Variants in AGMO observed in about 807,000 individuals in gnomAD.
The protein encoded by AGMO is alkylglycerol monooxygenase.
Under a neutral mutation model 60.2 loss-of-function variants are expected in AGMO, and 75 were observed. The observed-to-expected ratio is 1.25, with a 90% CI of 1.03 to 1.51. The LOEUF is 1.51. Among genes scored for constraint, AGMO ranks in the 40% most tolerant of loss-of-function variants. The probability of loss-of-function intolerance (pLI) is 0.00; values close to 1 mark genes in which losing one functional copy is unlikely to be tolerated. For missense variants in AGMO, 763 were observed against 525.5 expected (o/e 1.45, Z -4.42); for synonymous variants, 261 against 177.1 (o/e 1.47, Z -3.76).
rs1199323283 is a variant in AGMO, at chr7:15,531,317, C to CATATATTCTATATATATTCTAT, written c.409+13433_409+13454dup. Among the ~76,000 whole-genome samples the CATATATTCTATATATATTCTAT allele has an allele frequency of 2.3e-4, 12 of 52,614 alleles. 2 individuals are homozygous for CATATATTCTATATATATTCTAT. The highest frequency in any genetic ancestry group is 3.4e-4 in the Non-Finnish European group (11 of 32,794). The allele number at this position is 52,614 out of a possible 152,430, so 34.5% of individuals were successfully genotyped here. A position where few individuals can be genotyped will look rare whatever the true frequency, so the allele number is the denominator to read the frequency against. On this transcript the variant is annotated intron_variant, in intron 3 of 12. Coordinates refer to ENST00000342526, the MANE Select transcript of AGMO (RefSeq NM_001004320.2). ...AAATATTCTCTATATATATTCTATA[C>CATATATTCTATATATATTCTAT]ATATATTCTATATATATTCTATATA... is the stretch of plus-strand genomic sequence containing the variant.
the AGMO span, among the ~76,000 whole-genome samples, chr7:15,134,725 C>T: frequency 1.3e-5 from 2 of 151,996 alleles, no homozygotes; most frequent in African/African-American, 4.8e-5. Context: ...ACGTTGACTC[C>T]ACGCCTTTGC....
At chr7:15,299,018 T>C (rs1784481363) in intron 12 of AGMO, among the ~76,000 whole-genome samples, 1 of 152,156 alleles carries the variant, frequency 6.6e-6, no homozygotes, top group Non-Finnish European at 1.5e-5. Flanking sequence ...TCTAAGTATC[T>C]TTCAAGACTC....
At chr7:15,215,073 A>T (rs1781697176) in intron 12 of AGMO, among the ~76,000 whole-genome samples, 1 of 152,130 alleles carries the variant, frequency 6.6e-6, no homozygotes, top group African/African-American at 2.4e-5. Flanking sequence ...ACCTTCTGTT[A>T]TAAGTAGAGT....
intron 3 of AGMO, among the ~76,000 whole-genome samples, chr7:15,461,581 A>G (rs1471109504): frequency 2.0e-5 from 3 of 152,124 alleles, no homozygotes; most frequent in South Asian, 4.2e-4. Flanking sequence ...AGGGGTTCTC[A>G]TTAGCATTTA....
chr7:15,131,068 T>TGTGC, the AGMO span, among the ~76,000 whole-genome samples: 434 of 152,242 alleles, frequency 2.9e-3, no homozygotes, highest in African/African-American at 1.0e-2. Context: ...TGTGTGTGTG[T>TGTGC]GTGCATGAAA....
In AGMO at chr7:15,379,344, C is replaced by T. The variant is rs114764673; in HGVS notation, c.1074+6102G>A. Reference sequence around the variant, plus strand: ...AATCCAGGAGCTGTTTTGGGGAAAACATTAATCAAGTAGAAAAACTGTTAA... The same window carrying T: ...AATCCAGGAGCTGTTTTGGGGAAAATATTAATCAAGTAGAAAAACTGTTAA... On this transcript the variant is annotated intron_variant, in intron 10 of 12. Transcript: ENST00000342526. 9.8e-3 allele frequency among the ~76,000 whole-genome samples: 1,492 copies of T among 151,970 alleles called. 29 individuals are homozygous for T. Among genetic ancestry groups the T allele is most frequent in the African/African-American group, 0.035 (1,457 of 41,506 alleles).
the AGMO span, among the ~76,000 whole-genome samples, chr7:15,175,550 C>G: frequency 2.6e-5 from 4 of 151,840 alleles, no homozygotes; most frequent in Non-Finnish European, 5.9e-5. Flanking sequence ...TTTATTCTCT[C>G]TCTCCTATCT....
At chr7:15,202,442 C>G (rs569389148) in intron 12 of AGMO, among the ~76,000 whole-genome samples, 25 of 80,608 alleles carry the variant, frequency 3.1e-4, no homozygotes, top group African/African-American at 1.1e-3. Context: ...TCACCAACAA[C>G]CAAAATACAA....
chr7:15,553,317 A>G (rs1294218971), intron 2 of AGMO, among the ~76,000 whole-genome samples: 4 of 150,796 alleles, frequency 2.7e-5, no homozygotes, highest in Non-Finnish European at 4.4e-5. Context: ...AACTTAAAGT[A>G]TAATAAAAAA....
At chr7:15,458,628 T>C (rs796632225) in intron 3 of AGMO, among the ~76,000 whole-genome samples, 56 of 152,346 alleles carry the variant, frequency 3.7e-4, no homozygotes, top group African/African-American at 1.3e-3. Context: ...GCACATTATC[T>C]TGGATTTTTA....
intron 5 of AGMO, among the ~76,000 whole-genome samples, chr7:15,414,808 A>G (rs1384373012): frequency 6.6e-6 from 1 of 152,202 alleles, no homozygotes; most frequent in Non-Finnish European, 1.5e-5. Flanking sequence ...AAATACATCA[A>G]TGAAAGTGAG....
intron 10 of AGMO, among the ~76,000 whole-genome samples, chr7:15,370,623 G>A (rs529938860): frequency 3.9e-5 from 6 of 152,046 alleles, no homozygotes; most frequent in Non-Finnish European, 8.8e-5. Flanking sequence ...GTTTTGATTT[G>A]CATTTCTCTA....
intron 12 of AGMO, among the ~76,000 whole-genome samples, chr7:15,293,249 A>G (rs1784323664): frequency 1.3e-5 from 2 of 152,096 alleles, no homozygotes. Flanking sequence ...TTCATTAGTA[A>G]ACGTCACTGA....
At chr7:15,145,609 T>A in the AGMO span, among the ~76,000 whole-genome samples, 1 of 152,156 alleles carries the variant, frequency 6.6e-6, no homozygotes. Context: ...CATTAAACCC[T>A]AGTGTTTTAA....
At chr7:15,365,048 G>C (rs1011544049) in intron 12 of AGMO, among the ~76,000 whole-genome samples, 1 of 151,920 alleles carries the variant, frequency 6.6e-6, no homozygotes, top group East Asian at 1.9e-4. Flanking sequence ...TTTTTCAGCT[G>C]TAGAAAAATC....
intron 12 of AGMO, among the ~76,000 whole-genome samples, chr7:15,204,535 T>G (rs1191295537): frequency 6.6e-6 from 1 of 152,206 alleles, no homozygotes; most frequent in African/African-American, 2.4e-5. Flanking sequence ...GCACACTTAT[T>G]GTATCCTAGT....
chr7:15,301,546 A>G (rs1784559766), intron 12 of AGMO, among the ~76,000 whole-genome samples: 1 of 151,502 alleles, frequency 6.6e-6, no homozygotes, highest in Non-Finnish European at 1.5e-5. Flanking sequence ...AGTTCTCAAT[A>G]CATTTTCTAA....
intron 10 of AGMO, among the ~76,000 whole-genome samples, chr7:15,377,452 T>C (rs183178542): frequency 0.011 from 1,362 of 123,892 alleles, 27 homozygotes; most frequent in African/African-American, 0.035. Flanking sequence ...ATGTACACAG[T>C]GTCTGGCTAC....
Position 15,544,872 on chromosome 7 carries a change from G to T in AGMO, c.309C>A (p.Asn103Lys). The change falls in exon 3 of 13, where the codon AAC (asparagine) becomes AAA (lysine). Residue 103 changes from asparagine to lysine, a missense_variant. By Grantham distance (94) the Asn-to-Lys change is moderately conservative (BLOSUM62 0). Coordinates refer to ENST00000342526, the MANE Select transcript of AGMO (RefSeq NM_001004320.2). ...CCCAAGGCAAATTGAACAGCCTGTA[G>T]TTCTCCCAGATATAAATATAACTGG... ...ELTSYIYIWE[N>K]YRLFNLPWDS... The T allele has an allele frequency of 1.2e-6, 2 of 1,600,562 alleles. No individual in the cohort carries two copies. The highest frequency in any genetic ancestry group is 8.5e-7 in the Non-Finnish European group (1 of 1,172,632).
Sources: gnomAD v4.1 joint callset for allele counts (sites outside exome capture counted in the v4.1 genomes callset) on GRCh38, gnomAD v4.1.1 for gene constraint, MANE v1.5 for transcripts, NCBI Gene and HGNC (gene_info 2026-07-23, HGNC 2026-07-21) for gene names.